Variants in NLGN1 observed in about 807,000 individuals in gnomAD.
NLGN1 encodes neuroligin 1.
NLGN1 carries 12 observed loss-of-function variants against 65.5 expected under a neutral mutation model. The ratio of observed to expected loss-of-function variants is 0.18; its 90% CI spans 0.12 to 0.30. NLGN1 has a LOEUF of 0.30. NLGN1 is among the 10% of genes least tolerant of loss of function. The probability of loss-of-function intolerance (pLI) is 1.00; values close to 1 mark genes in which losing one functional copy is unlikely to be tolerated. For missense variants in NLGN1, 750 were observed against 1,007.1 expected, an observed-to-expected ratio of 0.74 and a Z score of 3.46; for synonymous variants, 350 against 359.5, an observed-to-expected ratio of 0.97 and a Z score of 0.30.
At chr3:173,828,421 C>A (rs1406060932) in intron 4 of NLGN1, among the ~76,000 whole-genome samples, 1 of 152,036 alleles carries the variant, frequency 6.6e-6, no homozygotes, top group Non-Finnish European at 1.5e-5. Flanking sequence ...GGAGCTGTCC[C>A]AGGATATAAG....
intron 4 of NLGN1, among the ~76,000 whole-genome samples, chr3:173,901,234 G>C (rs528188381): frequency 2.0e-5 from 3 of 152,026 alleles, no homozygotes; most frequent in Admixed American, 6.6e-5. Context: ...CTTAATATGT[G>C]CATGTGCGTG....
chr3:173,604,400 G>C lies in NLGN1; in HGVS notation c.-199G>C. 1.5e-6 allele frequency: 1 copy of C among 652,156 alleles called. No individual in the cohort carries two copies. The highest frequency in any genetic ancestry group is 1.9e-5 in the South Asian group (1 of 54,032). 40.4% of individuals were successfully genotyped at this position (652,156 alleles called of 1,614,324 possible). ...TCAATAGGATATGGTCTGATAAATA[G>C]TGATGATTGAAGATGCTGCTCCAAT... On this transcript the variant is annotated 5_prime_UTR_variant, in exon 3 of 7. An upstream open reading frame in the 5' UTR loses its in-frame stop. Transcript: ENST00000457714.
intron 2 of NLGN1, among the ~76,000 whole-genome samples, chr3:173,515,325 C>T (rs998714893): frequency 2.0e-5 from 3 of 151,994 alleles, no homozygotes; most frequent in African/African-American, 7.2e-5. Flanking sequence ...GGTTTTAGCC[C>T]ATTTTTAAAT....
chr3:174,272,816 G>A (rs1246615399), intron 4 of NLGN1, among the ~76,000 whole-genome samples: 1 of 151,602 alleles, frequency 6.6e-6, no homozygotes, highest in Non-Finnish European at 1.5e-5. Context: ...GAGCTTGACT[G>A]AGTAATCTTG....
chr3:173,594,720 T>C (rs1178918596), intron 2 of NLGN1, among the ~76,000 whole-genome samples: 1 of 152,250 alleles, frequency 6.6e-6, no homozygotes, highest in Non-Finnish European at 1.5e-5. Context: ...GCCCCGCTGC[T>C]GCAGCAAACT....
chr3:174,138,610 A>G (rs1227676489), intron 4 of NLGN1, among the ~76,000 whole-genome samples: 2 of 151,766 alleles, frequency 1.3e-5, no homozygotes, highest in Non-Finnish European at 2.9e-5. Flanking sequence ...AATTTTTTGT[A>G]TTTTTAGTAG....
intron 2 of NLGN1, among the ~76,000 whole-genome samples, chr3:173,541,436 AG>A (rs899277117): frequency 6.6e-6 from 1 of 152,104 alleles, no homozygotes; most frequent in Non-Finnish European, 1.5e-5. Flanking sequence ...GTGAAGAGAG[AG>A]GGTAGGAACA....
intron 3 of NLGN1, among the ~76,000 whole-genome samples, chr3:173,612,002 G>T (rs534682285): frequency 2.6e-5 from 4 of 151,012 alleles, no homozygotes; most frequent in African/African-American, 7.3e-5. Context: ...GAATGCAATG[G>T]TTTTTTTTTA....
intron 4 of NLGN1, among the ~76,000 whole-genome samples, chr3:174,202,352 A>G (rs1160407313): frequency 6.6e-6 from 1 of 151,942 alleles, no homozygotes; most frequent in East Asian, 1.9e-4. Flanking sequence ...GGATCCAATT[A>G]TCTGCTATTT....
At chr3:173,635,930 T>C (rs571605617) in intron 3 of NLGN1, among the ~76,000 whole-genome samples, 13 of 152,224 alleles carry the variant, frequency 8.5e-5, no homozygotes, top group Non-Finnish European at 1.9e-4. Context: ...TGAAAGAAGA[T>C]AGTGATCAAG....
intron 2 of NLGN1, among the ~76,000 whole-genome samples, chr3:173,538,872 G>C (rs918399223): frequency 9.7e-6 from 1 of 102,684 alleles, no homozygotes; most frequent in Non-Finnish European, 2.0e-5. Context: ...ATATCTTCAT[G>C]GTTTTTTTTT....
chr3:174,048,244 T>C (rs1416207113), intron 4 of NLGN1, among the ~76,000 whole-genome samples: 1 of 152,142 alleles, frequency 6.6e-6, no homozygotes, highest in African/African-American at 2.4e-5. Context: ...TAATTTGATC[T>C]GGAGATAGTC....
intron 3 of NLGN1, among the ~76,000 whole-genome samples, chr3:173,622,165 C>T (rs1258174778): frequency 6.6e-6 from 1 of 152,052 alleles, no homozygotes; most frequent in Non-Finnish European, 1.5e-5. Flanking sequence ...TACCCACTGC[C>T]ATAGGCTGTC....
intron 3 of NLGN1, among the ~76,000 whole-genome samples, chr3:173,748,681 T>C (rs1006050402): frequency 5.3e-5 from 8 of 152,140 alleles, no homozygotes; most frequent in Non-Finnish European, 1.2e-4. Context: ...TACTGAAAAC[T>C]GCTTGTCTTT....
At chr3:174,049,851 T>C (rs183299011) in intron 4 of NLGN1, among the ~76,000 whole-genome samples, 4 of 152,058 alleles carry the variant, frequency 2.6e-5, no homozygotes, top group African/African-American at 9.7e-5. Flanking sequence ...AAGTAATCAA[T>C]ATCATGTTTT....
intron 4 of NLGN1, among the ~76,000 whole-genome samples, chr3:173,931,673 A>G (rs967621300): frequency 3.8e-4 from 58 of 152,146 alleles, no homozygotes; most frequent in African/African-American, 1.2e-3. Flanking sequence ...CTGTTAGATC[A>G]TTGAAGAATT....
intron 4 of NLGN1, among the ~76,000 whole-genome samples, chr3:174,221,432 C>T (rs994443286): frequency 6.6e-6 from 1 of 152,050 alleles, no homozygotes; most frequent in African/African-American, 2.4e-5. Flanking sequence ...AAGTTAGAGG[C>T]ATCTGGAGAC....
At chr3:173,522,584 C>T (rs1228066474) in intron 2 of NLGN1, among the ~76,000 whole-genome samples, 6 of 140,748 alleles carry the variant, frequency 4.3e-5, no homozygotes, top group Admixed American at 3.7e-4. Flanking sequence ...GTGCCCGCCA[C>T]TACGCCCAGC....
At chr3:173,876,368 T>C (rs1267556469) in intron 4 of NLGN1, among the ~76,000 whole-genome samples, 2 of 152,282 alleles carry the variant, frequency 1.3e-5, no homozygotes, top group East Asian at 1.9e-4. Context: ...TTTAGCAAGA[T>C]TTAATTAATT....
Sources: gnomAD v4.1 joint callset for allele counts (sites outside exome capture counted in the v4.1 genomes callset) on GRCh38, gnomAD v4.1.1 for gene constraint, MANE v1.5 for transcripts, NCBI Gene and HGNC (gene_info 2026-07-23, HGNC 2026-07-21) for gene names.